The following PRR16 variants were observed in gnomAD, a reference collection of about 807,000 sequenced individuals.
The protein encoded by PRR16 is protein Largen.
Under a neutral mutation model 18.2 loss-of-function variants are expected in PRR16, and 6 were observed. The ratio of observed to expected loss-of-function variants is 0.33; its 90% CI spans 0.18 to 0.65. The LOEUF (loss-of-function observed/expected upper bound fraction) is 0.65, where lower values mean the gene tolerates loss of function less well. Among genes scored for constraint, PRR16 ranks in the 30% least tolerant of loss-of-function variants. The pLI is 0.74. For synonymous variants in PRR16, 151 were observed against 147.8 expected (o/e 1.02, Z -0.16); for missense variants, 412 against 376.6 (o/e 1.09, Z -0.78).
chr5:120,566,340 T>C (rs1437529237), intron 1 of PRR16, among the ~76,000 whole-genome samples: 2 of 152,170 alleles, frequency 1.3e-5, no homozygotes, highest in African/African-American at 4.8e-5. Flanking sequence ...CAGTCTGTGG[T>C]TTTCTGTTAC....
the PRR16 span, among the ~76,000 whole-genome samples, chr5:120,755,497 C>T: frequency 6.6e-6 from 1 of 152,076 alleles, no homozygotes; most frequent in Non-Finnish European, 1.5e-5. Context: ...ATTTTCTATG[C>T]CTGTGTTAGT....
chr5:120,575,318 A>AACACACACCCACAC, intron 1 of PRR16, among the ~76,000 whole-genome samples: 1 of 138,166 alleles, frequency 7.2e-6, no homozygotes, highest in East Asian at 2.1e-4. Flanking sequence ...CAGACAAGGA[A>AACACACACCCACAC]ACACACACAC....
intron 1 of PRR16, among the ~76,000 whole-genome samples, chr5:120,490,270 C>T (rs1264427454): frequency 1.3e-5 from 2 of 152,182 alleles, no homozygotes; most frequent in African/African-American, 4.8e-5. Context: ...TCCATTCTCC[C>T]CGTCACTTTC....
chr5:120,758,543 C>T, the PRR16 span, among the ~76,000 whole-genome samples: 1 of 152,134 alleles, frequency 6.6e-6, no homozygotes, highest in Non-Finnish European at 1.5e-5. Flanking sequence ...AAGGGGGGAT[C>T]TGCTAGGAGG....
intron 1 of PRR16, among the ~76,000 whole-genome samples, chr5:120,575,354 C>CACACACACACA (rs397698033): frequency 2.0e-5 from 3 of 150,374 alleles, no homozygotes; most frequent in Non-Finnish European, 3.0e-5. Context: ...CACACACACA[C>CACACACACACA]GAAAACTACC....
At chr5:120,473,734 T>G (rs1749347551) in intron 1 of PRR16, among the ~76,000 whole-genome samples, 1 of 152,182 alleles carries the variant, frequency 6.6e-6, no homozygotes, top group South Asian at 2.1e-4. Context: ...ACAAAATTCC[T>G]TCATGGAGTT....
the PRR16 span, among the ~76,000 whole-genome samples, chr5:120,723,764 T>C: frequency 6.6e-6 from 1 of 152,014 alleles, no homozygotes; most frequent in African/African-American, 2.4e-5. Context: ...ATTTATTTTG[T>C]CCCTATGCAT....
At position 120,503,450 on chromosome 5, in the gene PRR16, T is replaced by C. The variant is rs562433139; in HGVS notation, c.159+38805T>C. 3.6e-4 allele frequency among the ~76,000 whole-genome samples: 55 copies of C among 152,298 alleles called. No individual in the cohort carries two copies. In the East Asian group the frequency reaches 9.6e-3, roughly 27 times the overall value. On this transcript the variant is annotated intron_variant, in intron 1 of 1. Coordinates refer to ENST00000407149, the MANE Select transcript of PRR16 (RefSeq NM_001300783.2). ...AGAAATAATAATAGACTCAGAGTTA[T>C]TGCAGGGAAACCATGGAAGTTTTCT...
the PRR16 span, among the ~76,000 whole-genome samples, chr5:120,743,804 C>G: frequency 6.6e-6 from 1 of 152,064 alleles, no homozygotes; most frequent in East Asian, 1.9e-4. Flanking sequence ...CTTTCATACT[C>G]ATAGTCTTCT....
chr5:120,785,895 C>T, the PRR16 span, among the ~76,000 whole-genome samples: 1 of 151,138 alleles, frequency 6.6e-6, no homozygotes, highest in Non-Finnish European at 1.5e-5. Flanking sequence ...GCTCTTTTTT[C>T]CTGATTTCTA....
At chr5:120,758,129 A>T in the PRR16 span, among the ~76,000 whole-genome samples, 1 of 152,146 alleles carries the variant, frequency 6.6e-6, no homozygotes, top group Non-Finnish European at 1.5e-5. Flanking sequence ...GGTATTTGTA[A>T]TTATGCATTT....
chr5:120,794,269 T>C, the PRR16 span, among the ~76,000 whole-genome samples: 38,077 of 151,982 alleles, frequency 0.25, 5,160 homozygotes, highest in Non-Finnish European at 0.3. Flanking sequence ...TCATGACTCA[T>C]ATTATTGTGC....
At chr5:120,717,418 G>A in the PRR16 span, among the ~76,000 whole-genome samples, 59 of 152,124 alleles carry the variant, frequency 3.9e-4, no homozygotes, top group South Asian at 1.5e-3. Flanking sequence ...TTTTGAAACC[G>A]TCTAAAGAAA....
At chr5:120,764,752 A>G in the PRR16 span, among the ~76,000 whole-genome samples, 1 of 152,134 alleles carries the variant, frequency 6.6e-6, no homozygotes, top group African/African-American at 2.4e-5. Flanking sequence ...TGTAGAGGTC[A>G]TCCTCAATTA....
the PRR16 span, among the ~76,000 whole-genome samples, chr5:120,712,816 T>A: frequency 6.6e-6 from 1 of 152,092 alleles, no homozygotes; most frequent in Middle Eastern, 3.2e-3. Flanking sequence ...AAAAAGTCAA[T>A]TGATAATAAG....
intron 1 of PRR16, among the ~76,000 whole-genome samples, chr5:120,649,981 A>C (rs1057409837): frequency 1.1e-4 from 17 of 152,006 alleles, no homozygotes; most frequent in African/African-American, 4.1e-4. Context: ...AACTAGTGGG[A>C]GGCCTAGGTG....
chr5:120,669,876 A>G (rs1756536575), intron 1 of PRR16, among the ~76,000 whole-genome samples: 2 of 152,094 alleles, frequency 1.3e-5, no homozygotes, highest in South Asian at 4.1e-4. Context: ...CGTTTTGAAC[A>G]CTGGGGGCTT....
At chr5:120,500,041 C>T (rs1442842558) in intron 1 of PRR16, among the ~76,000 whole-genome samples, 4 of 151,302 alleles carry the variant, frequency 2.6e-5, no homozygotes, top group African/African-American at 9.8e-5. Flanking sequence ...TTTCTGATAC[C>T]ATGCCAATGT....
chr5:120,650,675 G>T (rs1381201162), intron 1 of PRR16, among the ~76,000 whole-genome samples: 18 of 152,046 alleles, frequency 1.2e-4, no homozygotes. Flanking sequence ...TTTTATGGCT[G>T]CATAGTATTC....
Sources: gnomAD v4.1 joint callset for allele counts (sites outside exome capture counted in the v4.1 genomes callset) on GRCh38, gnomAD v4.1.1 for gene constraint, MANE v1.5 for transcripts, NCBI Gene and HGNC (gene_info 2026-07-23, HGNC 2026-07-21) for gene names.